CYYR1: variants seen among roughly 807,000 people sequenced by gnomAD.
The protein encoded by CYYR1 is cysteine and tyrosine-rich protein 1.
Under a neutral mutation model 15.2 loss-of-function variants are expected in CYYR1, and 14 were observed. The observed-to-expected ratio is 0.92, with a 90% CI of 0.61 to 1.44. The LOEUF is 1.44. CYYR1 is among the 40% of genes most tolerant of loss of function. The probability of loss-of-function intolerance (pLI) is 0.00; values close to 1 mark genes in which losing one functional copy is unlikely to be tolerated. For synonymous variants in CYYR1, 80 were observed against 77.4 expected (o/e 1.03, Z -0.18); for missense variants, 228 against 209.5 (o/e 1.09, Z -0.54).
chr21:26,557,070 T>C (rs1424383162), intron 2 of CYYR1, among the ~76,000 whole-genome samples: 1 of 152,142 alleles, frequency 6.6e-6, no homozygotes, highest in African/African-American at 2.4e-5. Context: ...ATAGCAGCTA[T>C]ACGAAATGAC....
At chr21:26,480,152 A>T in intron 3 of CYYR1, 120 bp downstream of exon 3, 1 of 1,018,706 alleles carries the variant, frequency 9.8e-7, no homozygotes, top group Non-Finnish European at 1.4e-6. Flanking sequence ...ACATGTACCT[A>T]GAAATACTCT....
At chr21:26,544,358 A>G (rs1013282995) in intron 2 of CYYR1, among the ~76,000 whole-genome samples, 3 of 152,248 alleles carry the variant, frequency 2.0e-5, no homozygotes, top group African/African-American at 7.2e-5. Flanking sequence ...CCTGACCAGG[A>G]TTTATGAATC....
chr21:26,536,348 G>A lies in CYYR1; in HGVS notation c.176+29918C>T, dbSNP rs148013427. ...CAGGCATTAAGCCCTGCTTTTCCAC[G>A]AGATGCTTTATTATGCTTTTAATAA... On this transcript the variant is annotated intron_variant, in intron 2 of 3. Coordinates refer to ENST00000652641, the MANE Select transcript of CYYR1 (RefSeq NM_001320768.2). Among the ~76,000 whole-genome samples the A allele has an allele frequency of 5.6e-3, 858 of 152,272 alleles. 4 individuals are homozygous for A. Among genetic ancestry groups the A allele is most frequent in the African/African-American group, 0.02 (811 of 41,542 alleles).
At chr21:26,569,577 CCT>C (rs1469424473) in intron 1 of CYYR1, among the ~76,000 whole-genome samples, 1 of 151,974 alleles carries the variant, frequency 6.6e-6, no homozygotes, top group African/African-American at 2.4e-5. Context: ...ACATGTACTC[CCT>C]GAGTCTAAAA....
At chr21:26,553,141 A>G (rs2123690443) in intron 2 of CYYR1, among the ~76,000 whole-genome samples, 1 of 152,154 alleles carries the variant, frequency 6.6e-6, no homozygotes, top group Admixed American at 6.5e-5. Context: ...TGATAATTCT[A>G]TTCTTTTGGC....
intron 2 of CYYR1, among the ~76,000 whole-genome samples, chr21:26,537,475 C>T (rs1211952378): frequency 6.6e-6 from 1 of 152,134 alleles, no homozygotes; most frequent in Non-Finnish European, 1.5e-5. Flanking sequence ...TTATGTCCAC[C>T]TTGGCTAGGC....
Position 26,466,323 on chromosome 21 carries a change from T to A in CYYR1, c.*2178A>T, listed in dbSNP as rs1401077209. 6.6e-6 allele frequency: 1 copy of A among 152,222 alleles called. No individual in the cohort carries two copies. Among genetic ancestry groups the A allele is most frequent in the Non-Finnish European group, 1.5e-5 (1 of 68,040 alleles). 9.4% of individuals were successfully genotyped at this position (152,222 alleles called of 1,614,324 possible). On this transcript the variant is annotated 3_prime_UTR_variant, in exon 4 of 4. Transcript: ENST00000652641. ...TTCAAAACTTTCACATCCTATACTA[T>A]TTTTCCCCAAGAAGCATCATCTATG...
intron 2 of CYYR1, among the ~76,000 whole-genome samples, chr21:26,534,064 A>G (rs1179393284): frequency 6.6e-6 from 1 of 152,172 alleles, no homozygotes; most frequent in African/African-American, 2.4e-5. Context: ...CATTCAAATC[A>G]GTTTCAGCCA....
chr21:26,568,146 G>C (rs1980770836), intron 1 of CYYR1: 1 of 152,162 alleles, frequency 6.6e-6, no homozygotes, highest in Admixed American at 6.5e-5. Context: ...TTTTTGCAGA[G>C]TACAACAGAC....
At chr21:26,502,312 T>C (rs911903001) in intron 2 of CYYR1, among the ~76,000 whole-genome samples, 1 of 152,094 alleles carries the variant, frequency 6.6e-6, no homozygotes, top group South Asian at 2.1e-4. Flanking sequence ...CTTTTTTTTT[T>C]TTTTTTTGAT....
chr21:26,547,888 T>C (rs1420140954), intron 2 of CYYR1, among the ~76,000 whole-genome samples: 1 of 149,752 alleles, frequency 6.7e-6, no homozygotes, highest in Admixed American at 6.7e-5. Context: ...CCATCATGTA[T>C]GAATAATGGA....
chr21:26,521,256 T>C (rs1466395009), intron 2 of CYYR1, among the ~76,000 whole-genome samples: 3 of 152,194 alleles, frequency 2.0e-5, no homozygotes, highest in African/African-American at 7.2e-5. Flanking sequence ...TAAGAGGCAC[T>C]AATCCAGGTG....
intron 2 of CYYR1, among the ~76,000 whole-genome samples, chr21:26,548,133 T>C (rs1373540613): frequency 6.6e-6 from 1 of 152,198 alleles, no homozygotes; most frequent in Non-Finnish European, 1.5e-5. Context: ...ATTCAATCAC[T>C]TCGATCAAAC....
intron 1 of CYYR1, among the ~76,000 whole-genome samples, chr21:26,571,360 T>C (rs551931175): frequency 6.6e-6 from 1 of 152,332 alleles, no homozygotes; most frequent in East Asian, 1.9e-4. Flanking sequence ...AGAAGAGAAA[T>C]GAATGGACTG....
intron 2 of CYYR1, among the ~76,000 whole-genome samples, chr21:26,557,450 C>T (rs942642111): frequency 2.0e-5 from 3 of 152,078 alleles, no homozygotes; most frequent in African/African-American, 4.8e-5. Flanking sequence ...TTTTATGTAA[C>T]ATAAAACGCA....
intron 2 of CYYR1, among the ~76,000 whole-genome samples, chr21:26,561,037 A>G (rs1336147243): frequency 3.9e-5 from 6 of 152,166 alleles, no homozygotes; most frequent in African/African-American, 1.2e-4. Flanking sequence ...GAAAAGTTTT[A>G]GTTATCTACA....
In CYYR1 at chr21:26,489,550, A is replaced by G. The variant is rs1212744603; in HGVS notation, c.177-9121T>C. 4.6e-5 allele frequency among the ~76,000 whole-genome samples: 7 copies of G among 151,938 alleles called. No homozygotes were observed. In the South Asian group the frequency reaches 8.3e-4, roughly 18 times the overall value. On this transcript the variant is annotated intron_variant, in intron 2 of 3. Coordinates refer to ENST00000652641, the MANE Select transcript of CYYR1 (RefSeq NM_001320768.2). ...CAGTTTTCTGTAAGGTTTTATATAC[A>G]TGCACATACATATTGTTTTATGTAT...
chr21:26,481,055 AG>A (rs2065173704), intron 2 of CYYR1, among the ~76,000 whole-genome samples: 1 of 152,194 alleles, frequency 6.6e-6, no homozygotes, highest in South Asian at 2.1e-4. Flanking sequence ...TCTTTCCCGC[AG>A]AAAGTTTTAG....
At chr21:26,549,921 A>C (rs554865131) in intron 2 of CYYR1, among the ~76,000 whole-genome samples, 1 of 152,326 alleles carries the variant, frequency 6.6e-6, no homozygotes, top group African/African-American at 2.4e-5. Context: ...GTGAGTTTCA[A>C]GAAACTACAG....
Sources: allele counts gnomAD v4.1 joint callset (sites outside exome capture counted in the v4.1 genomes callset), GRCh38; gene constraint gnomAD v4.1.1; transcripts MANE v1.5; gene names NCBI Gene and HGNC (gene_info 2026-07-23, HGNC 2026-07-21).